ATP8A1: variants seen among roughly 807,000 people sequenced by gnomAD.
The protein encoded by ATP8A1 is phospholipid-transporting ATPase IA.
Under a neutral mutation model 177.7 loss-of-function variants are expected in ATP8A1, and 90 were observed. The ratio of observed to expected loss-of-function variants is 0.51; its 90% CI spans 0.43 to 0.60. The LOEUF is 0.60. Ranked by LOEUF, ATP8A1 falls within the 20% of genes least tolerant of loss-of-function variation. ATP8A1 has a pLI of 0.00. For synonymous variants in ATP8A1, 493 were observed against 485.9 expected, an observed-to-expected ratio of 1.01 and a Z score of -0.19; for missense variants, 1,072 against 1,392.8, an observed-to-expected ratio of 0.77 and a Z score of 3.67.
chr4:42,470,503 T>A (rs1398060774), intron 25 of ATP8A1, among the ~76,000 whole-genome samples: 1 of 152,190 alleles, frequency 6.6e-6, no homozygotes, highest in Non-Finnish European at 1.5e-5. Context: ...AAGGATAATT[T>A]AAGGAATTTT....
At chr4:42,607,524 C>T (rs1486200314) in intron 5 of ATP8A1, among the ~76,000 whole-genome samples, 1 of 152,122 alleles carries the variant, frequency 6.6e-6, no homozygotes, top group African/African-American at 2.4e-5. Context: ...CCTCCTCTGA[C>T]CCGGCACAAA....
intron 27 of ATP8A1, among the ~76,000 whole-genome samples, chr4:42,464,158 C>G (rs969282624): frequency 4.6e-5 from 7 of 152,076 alleles, no homozygotes; most frequent in Non-Finnish European, 1.0e-4. Flanking sequence ...GTATTTTTTA[C>G]ATTAAATACA....
At chr4:42,646,384 C>T (rs114436338) in intron 1 of ATP8A1, among the ~76,000 whole-genome samples, 15 of 152,168 alleles carry the variant, frequency 9.9e-5, no homozygotes, top group African/African-American at 3.4e-4. Context: ...CAAATGTTGA[C>T]GTTAAAGATT....
At chr4:42,571,869 G>A (rs554576987) in intron 14 of ATP8A1, among the ~76,000 whole-genome samples, 1 of 152,146 alleles carries the variant, frequency 6.6e-6, no homozygotes, top group African/African-American at 2.4e-5. Context: ...TGGGGCGAAG[G>A]TTCAGGGAAA....
intron 16 of ATP8A1, 98 bp downstream of exon 16, chr4:42,555,858 AAGATCATGAAAG>A: frequency 5.4e-5 from 39 of 721,028 alleles, no homozygotes; most frequent in Non-Finnish European, 7.9e-5. Flanking sequence ...AAATAAATAA[AAGATCATGAAAG>A]TAAAAAAAGA....
intron 10 of ATP8A1, 139 bp from the exon 11 acceptor site, chr4:42,580,117 A>T: frequency 1.5e-6 from 1 of 657,658 alleles, no homozygotes; most frequent in Non-Finnish European, 2.5e-6. Flanking sequence ...TGTGAAACCC[A>T]TGACAAATGT....
intron 33 of ATP8A1, among the ~76,000 whole-genome samples, chr4:42,435,064 T>A (rs1209210124): frequency 6.6e-6 from 1 of 152,188 alleles, no homozygotes. Context: ...AGTGACAACT[T>A]TGAACAAAGC....
At chr4:42,632,616 T>C (rs1205557910) in intron 1 of ATP8A1, among the ~76,000 whole-genome samples, 2 of 152,172 alleles carry the variant, frequency 1.3e-5, no homozygotes, top group Non-Finnish European at 2.9e-5. Flanking sequence ...CAAATAAAAA[T>C]ATACAAGCAA....
intron 16 of ATP8A1, among the ~76,000 whole-genome samples, chr4:42,555,037 G>T (rs1055509508): frequency 2.6e-5 from 4 of 152,020 alleles, no homozygotes; most frequent in African/African-American, 9.7e-5. Flanking sequence ...ATGGCCTATT[G>T]TGGGATTGTG....
intron 25 of ATP8A1, among the ~76,000 whole-genome samples, chr4:42,481,715 TGA>T (rs1332188211): frequency 3.3e-5 from 5 of 152,264 alleles, no homozygotes; most frequent in African/African-American, 1.2e-4. Context: ...GGAGTTTCAG[TGA>T]GTCTGTAAAA....
At position 42,422,890 on chromosome 4, in the gene ATP8A1, C is replaced by CCT. The variant is rs1411613619; in HGVS notation, c.3220_3221dup (p.Thr1075GlyfsTer30). Reference sequence around the variant, plus strand: ...CATCGACCAATGTTTTAAAAGCAGTCCTCTTGATACTGCAAAAAGAAAAAA... The same window carrying CCT: ...CATCGACCAATGTTTTAAAAGCAGTCCTCTCTTGATACTGCAAAAAGAAAAAA... On this transcript the variant is annotated frameshift_variant, in exon 35 of 37. Transcript: ENST00000381668. LOFTEE classifies it high-confidence loss of function. 4 of 1,607,532 alleles carry CCT rather than the reference C, an allele frequency of 2.5e-6. No individual in the cohort carries two copies. Among genetic ancestry groups the CCT allele is most frequent in the African/African-American group, 1.3e-5 (1 of 74,654 alleles).
chr4:42,576,425 TAGATCGCGCCACTGCACTCC>T (rs1357244226), intron 12 of ATP8A1, among the ~76,000 whole-genome samples: 1 of 117,148 alleles, frequency 8.5e-6, no homozygotes, highest in Admixed American at 1.3e-4. Context: ...GCAGTGAGCC[TAGATCGCGCCACTGCACTCC>T]AGCCTGGGCG....
intron 7 of ATP8A1, among the ~76,000 whole-genome samples, chr4:42,589,103 G>A (rs1415699395): frequency 2.6e-5 from 4 of 152,086 alleles, no homozygotes; most frequent in Non-Finnish European, 5.9e-5. Context: ...AGGGGTCCAT[G>A]TTCTCCAGTT....
chr4:42,613,351 T>C (rs556118434), intron 5 of ATP8A1, among the ~76,000 whole-genome samples: 1 of 148,906 alleles, frequency 6.7e-6, no homozygotes, highest in South Asian at 2.2e-4. Flanking sequence ...CCCCTCAATA[T>C]CCATGAGGGA....
chr4:42,498,453 G>GT (rs781253073), intron 24 of ATP8A1, among the ~76,000 whole-genome samples: 36 of 152,144 alleles, frequency 2.4e-4, no homozygotes, highest in Non-Finnish European at 3.4e-4. Flanking sequence ...TTACCACAGT[G>GT]TTGAAAAATA....
At position 42,579,924 on chromosome 4, in the gene ATP8A1, G is replaced by T; in HGVS notation, c.889C>A (p.Gln297Lys). The T allele has an allele frequency of 6.2e-7, 1 of 1,612,934 alleles. No homozygotes were observed. The highest frequency in any genetic ancestry group is 8.5e-7 in the Non-Finnish European group (1 of 1,179,228). ...LSNVERITNV[Q>K]ILILFCILIA... The stretch of plus-strand genomic sequence containing the variant: ...AAGATACAAAATAAAATCAAAATTT[G>T]TACATTTGTAATCCGTTCCACATTT... The change falls in exon 11 of 37, where the codon CAA becomes AAA. Residue 297 changes from glutamine (Q) to lysine (K), a missense_variant. Transcript: ENST00000381668.
At chr4:42,465,852 G>A (rs1719687104) in intron 25 of ATP8A1, among the ~76,000 whole-genome samples, 1 of 152,116 alleles carries the variant, frequency 6.6e-6, no homozygotes, top group Non-Finnish European at 1.5e-5. Context: ...CTAACACGGT[G>A]AAACCCCGTC....
chr4:42,600,401 T>A, intron 6 of ATP8A1, 77 bp downstream of exon 6: 1 of 1,184,688 alleles, frequency 8.4e-7, no homozygotes, highest in South Asian at 2.2e-5. Context: ...TTGCTCATAT[T>A]ATACAAAAAA....
chr4:42,583,778 T>C (rs1733343516), intron 9 of ATP8A1, among the ~76,000 whole-genome samples: 1 of 152,204 alleles, frequency 6.6e-6, no homozygotes, highest in Non-Finnish European at 1.5e-5. Context: ...TCACATGAAA[T>C]ACAGCATATT....
Sources: gnomAD v4.1 joint callset for allele counts (sites outside exome capture counted in the v4.1 genomes callset) on GRCh38, gnomAD v4.1.1 for gene constraint, MANE v1.5 for transcripts, NCBI Gene and HGNC (gene_info 2026-07-23, HGNC 2026-07-21) for gene names.